VAV1: variants seen among roughly 807,000 people sequenced by gnomAD.
The protein encoded by VAV1 is vav guanine nucleotide exchange factor 1.
In VAV1, 33 loss-of-function variants were observed where a neutral mutation model predicts 128.1. The observed-to-expected ratio is 0.26, with a 90% CI of 0.20 to 0.34. The LOEUF (loss-of-function observed/expected upper bound fraction) is 0.34. Among genes scored for constraint, VAV1 ranks in the 10% least tolerant of loss-of-function variants. The pLI is 1.00. For synonymous variants in VAV1, 394 were observed against 409.8 expected, an observed-to-expected ratio of 0.96 and a Z score of 0.47; for missense variants, 715 against 1,093.7, an observed-to-expected ratio of 0.65 and a Z score of 4.88.
intron 1 of VAV1, among the ~76,000 whole-genome samples, chr19:6,783,428 A>G (rs1233014383): frequency 5.5e-5 from 8 of 146,432 alleles, no homozygotes; most frequent in Non-Finnish European, 1.5e-5. Context: ...CTATGAAAGA[A>G]TTTCCCAGGC....
chr19:6,834,019 G>A, intron 19 of VAV1, 66 bp downstream of exon 19: 1 of 1,606,700 alleles, frequency 6.2e-7, no homozygotes, highest in East Asian at 2.2e-5. Flanking sequence ...GTTGACCCAG[G>A]GACAGATCTC....
intron 1 of VAV1, among the ~76,000 whole-genome samples, chr19:6,783,142 T>G (rs10411572): frequency 0.22 from 32,931 of 152,048 alleles, 3,653 homozygotes; most frequent in African/African-American, 0.25. Flanking sequence ...ATCATGCCAC[T>G]GCACTCCAGC....
At chr19:6,773,160 T>C in intron 1 of VAV1, 149 bp downstream of exon 1, 1 of 1,102,716 alleles carries the variant, frequency 9.1e-7, no homozygotes, top group Non-Finnish European at 1.3e-6. Flanking sequence ...CAGGGGGTGG[T>C]CACAATCTGA....
At chr19:6,855,103 C>T (rs533535838) in intron 26 of VAV1, among the ~76,000 whole-genome samples, 1 of 152,320 alleles carries the variant, frequency 6.6e-6, no homozygotes, top group African/African-American at 2.4e-5. Flanking sequence ...GAAGGCAGAG[C>T]ACCTTCTTTA....
intron 1 of VAV1, among the ~76,000 whole-genome samples, chr19:6,783,633 C>G (rs1367372923): frequency 6.6e-6 from 1 of 152,086 alleles, no homozygotes; most frequent in Non-Finnish European, 1.5e-5. Context: ...CAGGCATGCA[C>G]CATCACACCT....
chr19:6,807,705 G>C (rs1028737406), intron 1 of VAV1, among the ~76,000 whole-genome samples: 1 of 151,844 alleles, frequency 6.6e-6, no homozygotes, highest in African/African-American at 2.4e-5. Context: ...GTGAGACCCT[G>C]TCTTTTAAAA....
chr19:6,793,137 A>T lies in VAV1; in HGVS notation c.204+20126A>T, dbSNP rs1599627781. On this transcript the variant is annotated intron_variant, in intron 1 of 26. Coordinates refer to ENST00000602142, the MANE Select transcript of VAV1 (RefSeq NM_005428.4). ...ATCACAAGGTCAGGAGATCAAGACC[A>T]TCCTGGCTAACACGGTGAAACCTCA... 2.0e-5 allele frequency among the ~76,000 whole-genome samples: 3 copies of T among 152,182 alleles called. No homozygotes were observed. In the South Asian group the frequency reaches 6.2e-4, roughly 31 times the overall value.
intron 25 of VAV1, among the ~76,000 whole-genome samples, chr19:6,853,576 TAAA>T (rs1972718782): frequency 6.7e-6 from 1 of 149,354 alleles, no homozygotes; most frequent in Non-Finnish European, 1.5e-5. Context: ...AAAAAAAACA[TAAA>T]AATCAGCCGG....
In VAV1 at chr19:6,772,782, C is replaced by CGGCCG. The variant is rs756681870; in HGVS notation, c.-24_-20dup. 89 of 1,605,852 alleles carry CGGCCG rather than the reference C, an allele frequency of 5.5e-5. 1 individual carries two copies. In the East Asian group the frequency reaches 6.7e-4, roughly 12 times the overall value. On this transcript the variant is annotated 5_prime_UTR_variant, in exon 1 of 27. Transcript: ENST00000602142. This position sits in a 1 kb window ranked among gnomAD's most constrained non-coding sequence, Gnocchi z 4.8. ...GGGTGGTGGAGGCTGCGAGGGTGCACGGCCGGCCCTGGGCAGGCGGTAGCC... is the reference window on the plus strand; with the variant it reads ...GGGTGGTGGAGGCTGCGAGGGTGCACGGCCGGGCCGGCCCTGGGCAGGCGGTAGCC...
At position 6,852,960 on chromosome 19, in the gene VAV1, T is replaced by A. The variant is rs772823641; in HGVS notation, c.2218-5T>A. ...ATAGCATCTGCCATGTGGTCCGCCTTCTAGGAGCTGGTGGAGTTTTACCAG... is the reference window on the plus strand; with the variant it reads ...ATAGCATCTGCCATGTGGTCCGCCTACTAGGAGCTGGTGGAGTTTTACCAG... On this transcript the variant is annotated splice_region_variant and splice_polypyrimidine_tract_variant and intron_variant, in intron 24 of 26. Transcript: ENST00000602142. The A allele has an allele frequency of 2.5e-6, 4 of 1,607,238 alleles. No homozygotes were observed. The Admixed American group carries it at 6.7e-5, about 27-fold the overall frequency.
At chr19:6,852,876 T>G in intron 24 of VAV1, 89 bp from the exon 25 acceptor site, 3 of 984,600 alleles carry the variant, frequency 3.0e-6, no homozygotes, top group Non-Finnish European at 4.7e-6. Context: ...GCCTGCTTCA[T>G]GTGAGGAGTT....
intron 1 of VAV1, among the ~76,000 whole-genome samples, chr19:6,785,739 A>G (rs1424690302): frequency 6.7e-6 from 1 of 148,802 alleles, no homozygotes; most frequent in Non-Finnish European, 1.5e-5. Context: ...AGCTCACCGC[A>G]ACCTCTGCCT....
Position 6,777,475 on chromosome 19 carries a change from G to A in VAV1, c.204+4464G>A, listed in dbSNP as rs392497. ...CTCTGGAGAAAACAAAGTGGAACAG[G>A]GTATGAGGGGGGCACTTTGACGAGG... On this transcript the variant is annotated intron_variant, in intron 1 of 26. Transcript: ENST00000602142. This position sits in a 1 kb window ranked among gnomAD's most constrained non-coding sequence, Gnocchi z 4.4. Among the ~76,000 whole-genome samples the A allele has an allele frequency of 4.3e-3, 650 of 152,270 alleles. 2 individuals carry two copies. Among genetic ancestry groups the A allele is most frequent in the Middle Eastern group, 0.01 (3 of 294 alleles).
chr19:6,808,280 C>T (rs1971440303), intron 1 of VAV1, among the ~76,000 whole-genome samples: 1 of 151,922 alleles, frequency 6.6e-6, no homozygotes, highest in African/African-American at 2.4e-5. Context: ...CCATTGCACT[C>T]CAGCCTGGGA....
intron 20 of VAV1, 137 bp downstream of exon 20, chr19:6,836,705 A>G (rs746864533): frequency 2.2e-6 from 3 of 1,373,590 alleles, no homozygotes; most frequent in Non-Finnish European, 2.9e-6. Context: ...GTAGACTGAG[A>G]CTTCTGGGCA....
chr19:6,833,663 C>G, intron 17 of VAV1, 38 bp downstream of exon 17: 1 of 1,614,088 alleles, frequency 6.2e-7, no homozygotes, highest in Non-Finnish European at 8.5e-7. Context: ...GAGCTTGGTT[C>G]TCTTTGGAGG....
chr19:6,827,692 G>A (rs548776604), intron 9 of VAV1, among the ~76,000 whole-genome samples: 45 of 151,960 alleles, frequency 3.0e-4, no homozygotes, highest in Middle Eastern at 3.5e-3. Flanking sequence ...TCTGCCTCCC[G>A]GGTTCAAGCA....
intron 1 of VAV1, among the ~76,000 whole-genome samples, chr19:6,791,374 TTCCTCATCTTGAGGTCCTTGAGCTAGC>T (rs1971014775): frequency 6.6e-6 from 1 of 151,356 alleles, no homozygotes; most frequent in Non-Finnish European, 1.5e-5. Context: ...CTTGAGATAC[TTCCTCATCTTGAGGTCCTTGAGCTAGC>T]TCCTCATCTC....
chr19:6,836,549 C>T lies in VAV1; in HGVS notation c.1895C>T (p.Ala632Val), dbSNP rs1345595140. The T allele has an allele frequency of 1.2e-6, 2 of 1,614,036 alleles. No individual in the cohort carries two copies. The highest frequency in any genetic ancestry group is 1.7e-5 in the Admixed American group (1 of 60,000). ...GDIVELTKAE[A>V]EQNWWEGRNT... ...ATTGTGGAGCTCACGAAGGCTGAGG[C>T]TGAACAGAACTGGTGGGAGGTACAG... Residue 632 changes from alanine (A) to valine (V), a missense_variant, in exon 20 of 27, where the codon GCT becomes GTT. By Grantham distance (64) the Ala-to-Val change is moderately conservative. This residue lies in a region of VAV1 where 407 missense variants were observed against 580.6 expected (regional missense o/e 0.70). Coordinates refer to ENST00000602142, the MANE Select transcript of VAV1 (RefSeq NM_005428.4).
Sources: gnomAD v4.1 joint callset for allele counts (sites outside exome capture counted in the v4.1 genomes callset) on GRCh38, gnomAD v4.1.1 for gene constraint, gnomAD v4.1.1 regional missense constraint, Gnocchi (gnomAD v3.1) non-coding constraint, MANE v1.5 for transcripts, NCBI Gene and HGNC (gene_info 2026-07-23, HGNC 2026-07-21) for gene names.